DGKG: variants seen among roughly 807,000 people sequenced by gnomAD.
DGKG encodes the protein diacylglycerol kinase gamma.
DGKG carries 78 observed loss-of-function variants against 105.3 expected under a neutral mutation model. The ratio of observed to expected loss-of-function variants is 0.74; its 90% CI spans 0.62 to 0.89. The LOEUF (loss-of-function observed/expected upper bound fraction) is 0.89, where lower values mean the gene tolerates loss of function less well. DGKG is among the 40% of genes least tolerant of loss of function. DGKG has a pLI of 0.00. For synonymous variants in DGKG, 346 were observed against 367.1 expected, an observed-to-expected ratio of 0.94 and a Z score of 0.66; for missense variants, 958 against 1,020.1, an observed-to-expected ratio of 0.94 and a Z score of 0.83.
intron 21 of DGKG, among the ~76,000 whole-genome samples, chr3:186,199,270 C>T (rs955093030): frequency 6.6e-6 from 1 of 151,966 alleles, no homozygotes; most frequent in Non-Finnish European, 1.5e-5. Context: ...CCAGTATTAT[C>T]CACATACACA....
intron 20 of DGKG, among the ~76,000 whole-genome samples, chr3:186,225,749 C>T (rs931170435): frequency 2.6e-5 from 4 of 152,122 alleles, no homozygotes; most frequent in South Asian, 2.1e-4. Flanking sequence ...CCTCTGCATG[C>T]GTTTGGATTT....
chr3:186,193,263 G>A (rs1454262569), intron 21 of DGKG, among the ~76,000 whole-genome samples: 1 of 152,188 alleles, frequency 6.6e-6, no homozygotes, highest in Non-Finnish European at 1.5e-5. Context: ...TTTAAATCTT[G>A]GCTCTGTCAC....
rs568482014 is a variant in DGKG, at chr3:186,199,622, C to T, written c.1918-11243G>A. Among the ~76,000 whole-genome samples the T allele has an allele frequency of 9.6e-4, 146 of 152,234 alleles. 1 individual carries two copies. The highest frequency in any genetic ancestry group is 3.3e-3 in the African/African-American group (139 of 41,530). On this transcript the variant is annotated intron_variant, in intron 21 of 24. Coordinates refer to ENST00000265022, the MANE Select transcript of DGKG (RefSeq NM_001346.3). ...CCGCCTCCTGGGTTCAAGAGATTCT[C>T]CCGCCTCAGCCTCCTGAGTAGCTGT...
chr3:186,266,581 G>A (rs1722066713), intron 13 of DGKG, among the ~76,000 whole-genome samples: 1 of 152,082 alleles, frequency 6.6e-6, no homozygotes, highest in African/African-American at 2.4e-5. Flanking sequence ...TTTCCAATGT[G>A]TTGGTATTTT....
intron 21 of DGKG, among the ~76,000 whole-genome samples, chr3:186,189,458 C>T (rs143382898): frequency 1.3e-5 from 2 of 152,326 alleles, no homozygotes; most frequent in East Asian, 3.9e-4. Context: ...ACACTGGACC[C>T]AGAGACTTGA....
chr3:186,264,555 C>T (rs537966918), intron 14 of DGKG, among the ~76,000 whole-genome samples: 18 of 152,308 alleles, frequency 1.2e-4, no homozygotes, highest in Admixed American at 3.3e-4. Context: ...TGAGCCACTG[C>T]GCCCGGCCTT....
intron 23 of DGKG, among the ~76,000 whole-genome samples, chr3:186,162,523 T>C (rs1209607943): frequency 6.6e-6 from 1 of 152,240 alleles, no homozygotes; most frequent in Non-Finnish European, 1.5e-5. Context: ...CAATCTATTC[T>C]AACCTCAGTC....
chr3:186,253,002 A>G (rs1464538106), intron 18 of DGKG, 91 bp downstream of exon 18: 4 of 1,127,166 alleles, frequency 3.5e-6, no homozygotes, highest in African/African-American at 1.5e-5. Flanking sequence ...AATGTGATCC[A>G]TAAAAGGGTA....
intron 13 of DGKG, among the ~76,000 whole-genome samples, chr3:186,265,539 T>C (rs4686417): frequency 0.26 from 39,532 of 152,140 alleles, 5,171 homozygotes; most frequent in South Asian, 0.3. Flanking sequence ...GACTTTACCT[T>C]TGAGGCAAGG....
intron 5 of DGKG, among the ~76,000 whole-genome samples, chr3:186,292,252 A>G (rs1011751629): frequency 6.6e-6 from 1 of 152,078 alleles, no homozygotes; most frequent in South Asian, 2.1e-4. Context: ...GCAGTGTGGC[A>G]TAGTGGGAAG....
chr3:186,163,090 C>T (rs1716377818), intron 23 of DGKG, among the ~76,000 whole-genome samples: 1 of 152,124 alleles, frequency 6.6e-6, no homozygotes, highest in Non-Finnish European at 1.5e-5. Context: ...ACTGCAGCCT[C>T]GACCTCCTGG....
chr3:186,327,605 G>A (rs1362535224), intron 1 of DGKG, among the ~76,000 whole-genome samples: 1 of 150,962 alleles, frequency 6.6e-6, no homozygotes. Flanking sequence ...TAGAGACAGT[G>A]TCTCACTATG....
intron 22 of DGKG, among the ~76,000 whole-genome samples, chr3:186,170,789 G>A (rs1578616774): frequency 1.3e-5 from 2 of 152,076 alleles, no homozygotes; most frequent in South Asian, 2.1e-4. Flanking sequence ...TTAGAGCTGT[G>A]TACAAGAGTC....
chr3:186,321,785 G>T (rs1242753353), intron 1 of DGKG, among the ~76,000 whole-genome samples: 1 of 152,042 alleles, frequency 6.6e-6, no homozygotes, highest in African/African-American at 2.4e-5. Flanking sequence ...GAAGATGCTG[G>T]AGAGAGAGAG....
chr3:186,302,030 C>T (rs1300421365), intron 3 of DGKG, among the ~76,000 whole-genome samples: 1 of 152,204 alleles, frequency 6.6e-6, no homozygotes, highest in Non-Finnish European at 1.5e-5. Context: ...TGTTCAAGTT[C>T]CAGTCATGCT....
intron 20 of DGKG, among the ~76,000 whole-genome samples, chr3:186,238,326 A>G (rs1437249571): frequency 6.6e-6 from 1 of 150,632 alleles, no homozygotes; most frequent in Non-Finnish European, 1.5e-5. Context: ...GACCAAAAAC[A>G]TCCCCCAAAA....
chr3:186,272,139 G>A (rs554873320), intron 11 of DGKG, 116 bp downstream of exon 11: 1 of 768,614 alleles, frequency 1.3e-6, no homozygotes, highest in Non-Finnish European at 2.3e-6. Flanking sequence ...TGGTCCTCAA[G>A]GCAGAGAAGG....
At chr3:186,180,378 TGAACGGGAATGACATGTA>T (rs1434084115) in intron 22 of DGKG, among the ~76,000 whole-genome samples, 1 of 152,106 alleles carries the variant, frequency 6.6e-6, no homozygotes, top group Middle Eastern at 3.2e-3. Context: ...CTGCAAATGT[TGAACGGGAATGACATGTA>T]TGTTGCCATG....
At chr3:186,239,154 G>A (rs998213327) in intron 20 of DGKG, among the ~76,000 whole-genome samples, 5 of 152,102 alleles carry the variant, frequency 3.3e-5, no homozygotes, top group African/African-American at 4.8e-5. Context: ...GAATGATTCC[G>A]GTTTCCTGGT....
Sources: gnomAD v4.1 joint callset for allele counts (sites outside exome capture counted in the v4.1 genomes callset) on GRCh38, gnomAD v4.1.1 for gene constraint, MANE v1.5 for transcripts, NCBI Gene and HGNC (gene_info 2026-07-23, HGNC 2026-07-21) for gene names.